RAB38: variants seen among roughly 807,000 people sequenced by gnomAD.
RAB38 encodes the protein RAB38, member RAS oncogene family.
Under a neutral mutation model 18.4 loss-of-function variants are expected in RAB38, and 15 were observed. The observed-to-expected ratio is 0.82, with a 90% confidence interval of 0.55 to 1.26. RAB38 has a LOEUF of 1.26. RAB38 is among the 50% of genes most tolerant of loss of function. The pLI, the probability that RAB38 is intolerant of heterozygous loss-of-function variation, is 0.00. For missense variants in RAB38, 294 were observed against 267.4 expected, an observed-to-expected ratio of 1.10 and a Z score of -0.69; for synonymous variants, 101 against 104.4, an observed-to-expected ratio of 0.97 and a Z score of 0.20.
At chr11:88,014,222 T>C in the RAB38 span, among the ~76,000 whole-genome samples, 1 of 152,128 alleles carries the variant, frequency 6.6e-6, no homozygotes, top group Non-Finnish European at 1.5e-5. Flanking sequence ...TAGTTTCAAC[T>C]GCATGTTACG....
the RAB38 span, among the ~76,000 whole-genome samples, chr11:87,897,566 A>C: frequency 3.3e-5 from 5 of 151,608 alleles, no homozygotes; most frequent in Non-Finnish European, 5.9e-5. Flanking sequence ...AAGCAGCAGA[A>C]ATATTTGTAA....
At chr11:87,825,272 G>A in the RAB38 span, among the ~76,000 whole-genome samples, 1 of 152,102 alleles carries the variant, frequency 6.6e-6, no homozygotes, top group Admixed American at 6.6e-5. Context: ...AAAGGAAGGA[G>A]TTCAGAAAAA....
chr11:87,849,207 C>A, the RAB38 span, among the ~76,000 whole-genome samples: 2 of 152,120 alleles, frequency 1.3e-5, no homozygotes, highest in Non-Finnish European at 2.9e-5. Flanking sequence ...AGTAAGGGCA[C>A]AATACCCCAC....
the RAB38 span, among the ~76,000 whole-genome samples, chr11:88,071,125 T>C: frequency 6.6e-6 from 1 of 152,090 alleles, no homozygotes; most frequent in East Asian, 1.9e-4. Context: ...ACAGCACTAC[T>C]AGGTGGTGCA....
At chr11:87,862,208 G>A in the RAB38 span, among the ~76,000 whole-genome samples, 32 of 151,894 alleles carry the variant, frequency 2.1e-4, no homozygotes, top group South Asian at 4.2e-4. Context: ...ACACATGCAC[G>A]GATATGTTCA....
At chr11:88,167,421 G>A (rs184215433) in intron 1 of RAB38, 1 of 152,118 alleles carries the variant, frequency 6.6e-6, no homozygotes, top group South Asian at 2.1e-4. Flanking sequence ...ATGGGTCCCA[G>A]ATGAGAATAT....
At chr11:87,843,630 G>A in the RAB38 span, among the ~76,000 whole-genome samples, 1 of 152,188 alleles carries the variant, frequency 6.6e-6, no homozygotes, top group East Asian at 1.9e-4. Flanking sequence ...TTACTTATGA[G>A]ATAATTTTGT....
At chr11:88,151,997 A>C (rs958443904) in intron 1 of RAB38, among the ~76,000 whole-genome samples, 8 of 152,242 alleles carry the variant, frequency 5.3e-5, no homozygotes, top group Admixed American at 6.5e-5. Flanking sequence ...AGAAAGGGGC[A>C]AAATACTGTC....
At chr11:88,106,410 C>T in the RAB38 span, among the ~76,000 whole-genome samples, 3 of 152,052 alleles carry the variant, frequency 2.0e-5, no homozygotes, top group African/African-American at 7.2e-5. Context: ...TATTTTATTA[C>T]AAGTAATAGC....
chr11:87,957,087 TAG>T, the RAB38 span, among the ~76,000 whole-genome samples: 511 of 152,230 alleles, frequency 3.4e-3, 1 homozygote, highest in Middle Eastern at 0.01. Context: ...TCTATTGTTA[TAG>T]CACTGTAAGT....
chr11:88,030,343 T>G, the RAB38 span, among the ~76,000 whole-genome samples: 106,010 of 151,826 alleles, frequency 0.7, 37,214 homozygotes, highest in East Asian at 0.76. Flanking sequence ...GCAAACACAT[T>G]CAAAAACTAG....
At chr11:88,153,165 T>C (rs1177033654) in intron 1 of RAB38, among the ~76,000 whole-genome samples, 1 of 152,218 alleles carries the variant, frequency 6.6e-6, no homozygotes, top group Non-Finnish European at 1.5e-5. Context: ...CAGAACAGGC[T>C]CAGACACATG....
the RAB38 span, among the ~76,000 whole-genome samples, chr11:87,976,673 A>ATATATGAATATATAATTTTATATAC: frequency 9.0e-6 from 1 of 110,862 alleles, no homozygotes; most frequent in South Asian, 2.7e-4. Context: ...ATTTTATATG[A>ATATATGAATATATAATTTTATATAC]TATATATTTA....
At chr11:88,016,683 C>T in the RAB38 span, among the ~76,000 whole-genome samples, 1 of 151,966 alleles carries the variant, frequency 6.6e-6, no homozygotes, top group Admixed American at 6.6e-5. Flanking sequence ...CAGCTATTTC[C>T]TGGTGTAAAA....
At chr11:87,977,537 T>A in the RAB38 span, among the ~76,000 whole-genome samples, 2 of 117,158 alleles carry the variant, frequency 1.7e-5, no homozygotes, top group Admixed American at 2.0e-4. Flanking sequence ...TATAATTATA[T>A]CATTATTATA....
At chr11:88,005,990 T>C in the RAB38 span, among the ~76,000 whole-genome samples, 1 of 151,616 alleles carries the variant, frequency 6.6e-6, no homozygotes, top group Admixed American at 6.6e-5. Flanking sequence ...CATGCTGTTT[T>C]AGAGACAACT....
the RAB38 span, among the ~76,000 whole-genome samples, chr11:87,854,076 G>A: frequency 1.3e-5 from 2 of 152,066 alleles, no homozygotes; most frequent in African/African-American, 4.8e-5. Flanking sequence ...GGATGATCTA[G>A]GCTAAATATC....
At chr11:88,132,936 A>C (rs1001653948) in intron 2 of RAB38, among the ~76,000 whole-genome samples, 2 of 152,352 alleles carry the variant, frequency 1.3e-5, no homozygotes, top group African/African-American at 2.4e-5. Flanking sequence ...TAGAAAAATA[A>C]GGGATTTTTA....
At chr11:87,973,179 G>T in the RAB38 span, among the ~76,000 whole-genome samples, 1 of 152,028 alleles carries the variant, frequency 6.6e-6, no homozygotes, top group Admixed American at 6.6e-5. Flanking sequence ...CACAAGGAAA[G>T]AAAGAAAATG....
Sources: allele counts gnomAD v4.1 joint callset (sites outside exome capture counted in the v4.1 genomes callset), GRCh38; gene constraint gnomAD v4.1.1; transcripts MANE v1.5; gene names NCBI Gene and HGNC (gene_info 2026-07-23, HGNC 2026-07-21).